The following SLC37A3 variants were observed in gnomAD, a reference collection of about 807,000 sequenced individuals.
SLC37A3 encodes solute carrier family 37 member 3, also known as sugar phosphate exchanger 3.
SLC37A3 carries 51 observed loss-of-function variants against 67.1 expected under a neutral mutation model. That is an observed-to-expected ratio of 0.76 (90% CI 0.61 to 0.96). The LOEUF (loss-of-function observed/expected upper bound fraction) is 0.96, where lower values mean the gene tolerates loss of function less well. Ranked by LOEUF, SLC37A3 falls within the 40% of genes least tolerant of loss-of-function variation. The probability of loss-of-function intolerance (pLI) is 0.00; values close to 1 mark genes in which losing one functional copy is unlikely to be tolerated. For synonymous variants in SLC37A3, 214 were observed against 231.4 expected, an observed-to-expected ratio of 0.92 and a Z score of 0.68; for missense variants, 508 against 603.0, an observed-to-expected ratio of 0.84 and a Z score of 1.65.
rs767973201 is a variant in SLC37A3 at position 140,345,978 on chromosome 7, C to T, written c.1025-8G>A. 40 of 1,606,166 alleles carry T rather than the reference C, an allele frequency of 2.5e-5. No homozygotes were observed. In the Admixed American group the frequency reaches 6.3e-4, roughly 25 times the overall value. On this transcript the variant is annotated splice_polypyrimidine_tract_variant and splice_region_variant and intron_variant, in intron 10 of 14. Transcript: ENST00000326232. ...AGCCTTGCAAAGTTCCACCTTCAAG[C>T]AGAGTGTCGAGCAATCAAAATCACT...
At chr7:140,369,979 A>G (rs1797756508) in intron 3 of SLC37A3, among the ~76,000 whole-genome samples, 1 of 152,118 alleles carries the variant, frequency 6.6e-6, no homozygotes, top group South Asian at 2.1e-4. Context: ...GCATGGTGGC[A>G]CATGCCTGTA....
At chr7:140,343,087 C>G (rs1293761188) in intron 13 of SLC37A3, among the ~76,000 whole-genome samples, 2 of 152,120 alleles carry the variant, frequency 1.3e-5, no homozygotes, top group Admixed American at 1.3e-4. Context: ...GCACCCCCCA[C>G]CACGGAATAC....
In SLC37A3 at chr7:140,398,492, C is replaced by T. The variant is rs1189378401; in HGVS notation, c.-147G>A. The T allele has an allele frequency of 6.6e-6, 1 of 152,308 alleles. No individual in the cohort carries two copies. Among genetic ancestry groups the T allele is most frequent in the Non-Finnish European group, 1.5e-5 (1 of 68,116 alleles). 9.4% of individuals were successfully genotyped at this position (152,308 alleles called of 1,614,324 possible). On this transcript the variant is annotated 5_prime_UTR_variant, in exon 1 of 15. Coordinates refer to ENST00000326232, the MANE Select transcript of SLC37A3 (RefSeq NM_207113.3). ...CAGCTTGGCTCCGCTGCCCGCCTCC[C>T]CCGCCGCCAGCTCACCCCTGGCGGT...
At position 140,335,189 on chromosome 7, in the gene SLC37A3, T is replaced by G; in HGVS notation, c.*223A>C. 6.3e-7 allele frequency: 1 copy of G among 1,582,922 alleles called. No individual in the cohort carries two copies. Among genetic ancestry groups the G allele is most frequent in the Non-Finnish European group, 8.6e-7 (1 of 1,160,478 alleles). ...GCAGAGTCAGAAGTCACTCGGCACA[T>G]TCATGAAACAACAGCAAAAATCATC... On this transcript the variant is annotated 3_prime_UTR_variant, in exon 15 of 15. Transcript: ENST00000326232.
At position 140,354,402 on chromosome 7, in the gene SLC37A3, T is replaced by G. The variant is rs1174916725; in HGVS notation, c.618+1266A>C. Reference sequence around the variant, plus strand: ...AACATGTTTTCAAACTTTTGGATTTTTAGTCTAATAAGTATACAGTATAGT... The same window carrying G: ...AACATGTTTTCAAACTTTTGGATTTGTAGTCTAATAAGTATACAGTATAGT... On this transcript the variant is annotated intron_variant, in intron 7 of 14. Transcript: ENST00000326232. Among the ~76,000 whole-genome samples, 5 of 152,192 alleles carry G rather than the reference T, an allele frequency of 3.3e-5. No individual in the cohort carries two copies. In the South Asian group the frequency reaches 1.0e-3, roughly 31 times the overall value.
chr7:140,365,194 G>A (rs1797549923), intron 4 of SLC37A3, among the ~76,000 whole-genome samples: 1 of 152,194 alleles, frequency 6.6e-6, no homozygotes, highest in African/African-American at 2.4e-5. Flanking sequence ...AAGTGAGACT[G>A]AAGACCTTAA....
In SLC37A3 at chr7:140,351,329, C is replaced by A; in HGVS notation, c.826G>T (p.Ala276Ser). ...TAGAAGCTTATCGCCTTGACTTGGG[C>A]AACAGAACTATCATCTTGGATTGAA... ...NYSIQDDSSV[A>S]QVKAISFYQA... is the part of the protein sequence containing the mutation. Residue 276 changes from alanine to serine, a missense_variant, in exon 9 of 15, where the codon GCC becomes TCC. By Grantham distance (99) the Ala-to-Ser change is moderately conservative. Transcript: ENST00000326232. 6.2e-7 allele frequency: 1 copy of A among 1,614,130 alleles called. No homozygotes were observed. Among genetic ancestry groups the A allele is most frequent in the Non-Finnish European group, 8.5e-7 (1 of 1,180,006 alleles).
At chr7:140,371,536 A>G (rs1797821987) in intron 3 of SLC37A3, among the ~76,000 whole-genome samples, 1 of 152,230 alleles carries the variant, frequency 6.6e-6, no homozygotes, top group South Asian at 2.1e-4. Flanking sequence ...TATATTCTTC[A>G]GCTGTGTTTA....
At chr7:140,359,297 C>T (rs1021747879) in intron 5 of SLC37A3, among the ~76,000 whole-genome samples, 26 of 149,686 alleles carry the variant, frequency 1.7e-4, no homozygotes, top group Admixed American at 1.7e-3. Flanking sequence ...GAGCCAAGAT[C>T]GTGCCACTGC....
In SLC37A3 at chr7:140,380,263, A is replaced by G. The variant is rs1234970905; in HGVS notation, c.198+19T>C. 3 of 1,529,224 alleles carry G rather than the reference A, an allele frequency of 2.0e-6. No individual in the cohort carries two copies. In the Admixed American group the frequency reaches 5.1e-5, roughly 26 times the overall value. The allele number at this position is 1,529,224 out of a possible 1,614,324, so 94.7% of individuals were successfully genotyped here. A position where few individuals can be genotyped will look rare whatever the true frequency, so the allele number is the denominator to read the frequency against. ...ACGGTCTCCTACTTCGATCCATCCCAGCACTCTGTTCTGCTTACCTCCACA... is the reference window on the plus strand; with the variant it reads ...ACGGTCTCCTACTTCGATCCATCCCGGCACTCTGTTCTGCTTACCTCCACA... On this transcript the variant is annotated intron_variant, in intron 3 of 14. Transcript: ENST00000326232.
At chr7:140,347,936 C>T (rs941725254) in intron 10 of SLC37A3, among the ~76,000 whole-genome samples, 5 of 152,142 alleles carry the variant, frequency 3.3e-5, no homozygotes, top group African/African-American at 9.7e-5. Flanking sequence ...ATACCTGAAA[C>T]CACAGACAGT....
chr7:140,386,863 C>T (rs1027174730), intron 1 of SLC37A3: 2 of 152,128 alleles, frequency 1.3e-5, no homozygotes, highest in Admixed American at 6.6e-5. Context: ...CAAAGTCAGA[C>T]AAGGCAGGCC....
chr7:140,347,247 CA>C (rs554765652), intron 10 of SLC37A3, among the ~76,000 whole-genome samples: 141 of 71,564 alleles, frequency 2.0e-3, no homozygotes, highest in Non-Finnish European at 2.2e-3. Flanking sequence ...CCCCCATCTC[CA>C]AAAAAAAAAA....
At chr7:140,365,506 A>G (rs1458330602) in intron 4 of SLC37A3, among the ~76,000 whole-genome samples, 3 of 152,172 alleles carry the variant, frequency 2.0e-5, no homozygotes, top group African/African-American at 7.2e-5. Context: ...GGATCACCTG[A>G]GGTGAAGAGT....
intron 1 of SLC37A3, among the ~76,000 whole-genome samples, chr7:140,388,159 A>G (rs1049930014): frequency 2.0e-5 from 3 of 151,886 alleles, no homozygotes; most frequent in African/African-American, 7.3e-5. Context: ...CTGGACAGAC[A>G]TGGTGGCTCA....
chr7:140,348,891 T>A, intron 9 of SLC37A3, 124 bp from the exon 10 acceptor site: 1 of 1,159,166 alleles, frequency 8.6e-7, no homozygotes, highest in Non-Finnish European at 1.2e-6. Flanking sequence ...GATTTTACAG[T>A]TAAACATCTC....
In SLC37A3 at chr7:140,354,934, A is replaced by C. The variant is rs182891725; in HGVS notation, c.618+734T>G. On this transcript the variant is annotated intron_variant, in intron 7 of 14. Transcript: ENST00000326232. The stretch of plus-strand genomic sequence containing the variant: ...AATTTTTTAGTTTTTTTGTAGGTAC[A>C]AGGTCTCATTATATTGCCCAGGCTG... Among the ~76,000 whole-genome samples, 485 of 152,038 alleles carry C rather than the reference A, an allele frequency of 3.2e-3. 14 individuals carry two copies. In the South Asian group the frequency reaches 0.05, roughly 16 times the overall value.
intron 6 of SLC37A3, among the ~76,000 whole-genome samples, chr7:140,357,858 A>G (rs1797096465): frequency 6.6e-6 from 1 of 151,710 alleles, no homozygotes; most frequent in Non-Finnish European, 1.5e-5. Flanking sequence ...CGGAGGTTGC[A>G]GTGAGCCGAG....
Position 140,335,047 on chromosome 7 carries a change from T to C in SLC37A3, c.*365A>G. ...AAACCACGCGTGGCTTTGCCTCCTGTTCACTCCATTTTCAAGGCTAGAGAA... is the reference window on the plus strand; with the variant it reads ...AAACCACGCGTGGCTTTGCCTCCTGCTCACTCCATTTTCAAGGCTAGAGAA... On this transcript the variant is annotated 3_prime_UTR_variant, in exon 15 of 15. Transcript: ENST00000326232. The C allele has an allele frequency of 1.6e-6, 1 of 617,044 alleles. No homozygotes were observed. Among genetic ancestry groups the C allele is most frequent in the South Asian group, 2.0e-5 (1 of 49,482 alleles). The allele number at this position is 617,044 out of a possible 1,614,324, so 38.2% of individuals were successfully genotyped here. A position where few individuals can be genotyped will look rare whatever the true frequency, so the allele number is the denominator to read the frequency against.
Sources: gnomAD v4.1 joint callset for allele counts (sites outside exome capture counted in the v4.1 genomes callset) on GRCh38, gnomAD v4.1.1 for gene constraint, MANE v1.5 for transcripts, NCBI Gene and HGNC (gene_info 2026-07-23, HGNC 2026-07-21) for gene names.